CDHR2: variants seen among roughly 807,000 people sequenced by gnomAD.
The protein encoded by CDHR2 is cadherin-related family member 2.
In CDHR2, 104 loss-of-function variants were observed where a neutral mutation model predicts 138.6. The ratio of observed to expected loss-of-function variants is 0.75; its 90% CI spans 0.64 to 0.88. The LOEUF (loss-of-function observed/expected upper bound fraction) is 0.88, where lower values mean the gene tolerates loss of function less well. CDHR2 is among the 40% of genes least tolerant of loss of function. The pLI, the probability that CDHR2 is intolerant of heterozygous loss-of-function variation, is 0.00. For synonymous variants in CDHR2, 755 were observed against 742.8 expected (o/e 1.02, Z -0.27); for missense variants, 1,624 against 1,727.6 (o/e 0.94, Z 1.06).
intron 1 of CDHR2, among the ~76,000 whole-genome samples, chr5:176,558,004 CCTAT>C (rs945518552): frequency 6.6e-6 from 1 of 152,110 alleles, no homozygotes; most frequent in South Asian, 2.1e-4. Context: ...CCGAGCCTGG[CCTAT>C]CTGTTAATTT....
downstream of CDHR2, chr5:176,595,971 A>T (rs1759024837): frequency 3.8e-6 from 1 of 264,762 alleles, no homozygotes; most frequent in African/African-American, 2.2e-5. Flanking sequence ...TGGTTATAGA[A>T]TGAGCTCTCT....
intron 17 of CDHR2, 28 bp from the exon 18 acceptor site, chr5:176,584,161 CG>C: frequency 1.2e-6 from 2 of 1,601,416 alleles, no homozygotes; most frequent in Non-Finnish European, 1.7e-6. Flanking sequence ...GATTGGATCC[CG>C]GGGACTCAGA....
At chr5:176,594,536 G>A (rs1459798214) in intron 31 of CDHR2, among the ~76,000 whole-genome samples, 1 of 152,246 alleles carries the variant, frequency 6.6e-6, no homozygotes, top group Admixed American at 6.5e-5. Context: ...ACAGCTTGCA[G>A]GGCAGGGGCA....
In CDHR2 at chr5:176,595,549, C is replaced by A. The variant is rs1344116536; in HGVS notation, c.3810C>A (p.His1270Gln). The A allele has an allele frequency of 6.8e-6, 11 of 1,608,380 alleles. No homozygotes were observed. The East Asian group carries it at 2.5e-4, about 36-fold the overall frequency. The stretch of plus-strand genomic sequence containing the variant: ...CCCTGCAGGAGCACAGGCCACCACA[C>A]ACACCACCAGAGCCAGATCCAGAGC... ...SQEIKEHRPP[H>Q]TPPEPDPEPL... Residue 1270 changes from histidine to glutamine, a missense_variant, in exon 32 of 32, where the codon CAC becomes CAA. Coordinates refer to ENST00000261944, the MANE Select transcript of CDHR2 (RefSeq NM_017675.6).
chr5:176,567,172 CTT>C (rs11392917), intron 3 of CDHR2: 567 of 293,502 alleles, frequency 1.9e-3, no homozygotes, highest in South Asian at 3.0e-3. Context: ...GTGCACAGGA[CTT>C]TTTTTTTTTT....
At position 176,590,308 on chromosome 5, in the gene CDHR2, C is replaced by G; in HGVS notation, c.3331C>G (p.Leu1111Val). Residue 1111 changes from leucine to valine, a missense_variant, in exon 26 of 32, where the codon CTG (leucine) becomes GTG (valine). Transcript: ENST00000261944. ...CTTTGTCTTCCCCAATGGGTCAGCC[C>G]TGACCCTTGATGAGCTGAGTGTGTG... ...AYFVFPNGSA[L>V]TLDELSVMIR... 1 of 1,614,204 alleles carries G rather than the reference C, an allele frequency of 6.2e-7. No homozygotes were observed.
At chr5:176,554,466 C>G (rs1178399298) in intron 1 of CDHR2, among the ~76,000 whole-genome samples, 1 of 152,186 alleles carries the variant, frequency 6.6e-6, no homozygotes, top group Non-Finnish European at 1.5e-5. Flanking sequence ...GCTGCCTACC[C>G]TCATCACTTA....
Position 176,565,375 on chromosome 5 carries a change from G to T in CDHR2, c.23G>T (p.Cys8Phe). 3 of 1,614,124 alleles carry T rather than the reference G, an allele frequency of 1.9e-6. No individual in the cohort carries two copies. The highest frequency in any genetic ancestry group is 2.5e-6 in the Non-Finnish European group (3 of 1,179,980). The change falls in exon 2 of 32, where the codon TGC (cysteine) becomes TTC (phenylalanine). Residue 8 changes from cysteine to phenylalanine, a missense_variant. Physicochemically the swap from Cys to Phe is radical, Grantham distance 205 (BLOSUM62 -2). Around this residue, in one of 3 missense-constraint regions of CDHR2, gnomAD observed 1,061 missense variants for 1,136.6 expected, o/e 0.93. Coordinates refer to ENST00000261944, the MANE Select transcript of CDHR2 (RefSeq NM_017675.6). MAQLWLS[C>F]FLLPALVVSV... ...GTGATGGCCCAGCTATGGCTGTCCT[G>T]CTTCCTCCTTCCTGCCCTCGTGGTG...
intron 1 of CDHR2, among the ~76,000 whole-genome samples, chr5:176,549,828 T>C (rs1484236449): frequency 6.6e-6 from 1 of 152,158 alleles, no homozygotes; most frequent in African/African-American, 2.4e-5. Flanking sequence ...CTGACCTTGG[T>C]GGGCTACTTA....
chr5:176,556,347 T>C (rs902021711), intron 1 of CDHR2, among the ~76,000 whole-genome samples: 1 of 151,888 alleles, frequency 6.6e-6, no homozygotes, highest in African/African-American at 2.4e-5. Context: ...CCAGAATGGG[T>C]GACAGAGCAA....
intron 27 of CDHR2, 29 bp from the exon 28 acceptor site, chr5:176,590,534 G>C: frequency 6.2e-7 from 1 of 1,614,010 alleles, no homozygotes; most frequent in Non-Finnish European, 8.5e-7. Flanking sequence ...GAAGACGAGT[G>C]TGCTTCCCTC....
At chr5:176,555,058 G>A (rs111616873) in intron 1 of CDHR2, among the ~76,000 whole-genome samples, 2,332 of 152,246 alleles carry the variant, frequency 0.015, 53 homozygotes, top group African/African-American at 0.053. Context: ...AATGTTTAAC[G>A]GTTGCCAAAC....
At chr5:176,564,654 A>T (rs1758040483) in intron 1 of CDHR2, among the ~76,000 whole-genome samples, 1 of 152,108 alleles carries the variant, frequency 6.6e-6, no homozygotes, top group African/African-American at 2.4e-5. Flanking sequence ...CTATCAATCA[A>T]CAAGAGGATC....
rs3816825 is a variant in CDHR2, at chr5:176,584,162, G to A, written c.2059-28G>A. 4.8e-4 allele frequency: 774 copies of A among 1,597,700 alleles called. 7 individuals carry two copies. The East Asian group carries it at 0.011, about 22-fold the overall frequency. Reference sequence around the variant, plus strand: ...TCTGGGGAGGGTGAGATTGGATCCCGGGGACTCAGACCTGTCTCTGACTGC... The same window carrying A: ...TCTGGGGAGGGTGAGATTGGATCCCAGGGACTCAGACCTGTCTCTGACTGC... On this transcript the variant is annotated intron_variant, in intron 17 of 31. Transcript: ENST00000261944.
At chr5:176,566,384 A>G (rs555080839) in intron 3 of CDHR2, among the ~76,000 whole-genome samples, 2 of 152,306 alleles carry the variant, frequency 1.3e-5, no homozygotes, top group African/African-American at 4.8e-5. Context: ...GGGAAACATT[A>G]TTTTGGAAGG....
At chr5:176,563,921 A>G (rs1334280894) in intron 1 of CDHR2, among the ~76,000 whole-genome samples, 4 of 152,100 alleles carry the variant, frequency 2.6e-5, no homozygotes, top group African/African-American at 9.7e-5. Context: ...ACAGTAAAAA[A>G]CTGGGCACAG....
intron 3 of CDHR2, among the ~76,000 whole-genome samples, chr5:176,566,443 G>A (rs1758082479): frequency 6.6e-6 from 1 of 152,202 alleles, no homozygotes; most frequent in Non-Finnish European, 1.5e-5. Flanking sequence ...ATATAGATCG[G>A]GGAAGTAGAA....
rs768596164 is a variant in CDHR2, at chr5:176,589,231, G to A, written c.3008+49G>A. Reference sequence around the variant, plus strand: ...GGAGGTTGCGGGGAGGGGCCCGATAGGAGCTTTCAGGCAGCAAGTCCCCCA... The same window carrying A: ...GGAGGTTGCGGGGAGGGGCCCGATAAGAGCTTTCAGGCAGCAAGTCCCCCA... On this transcript the variant is annotated intron_variant, in intron 22 of 31. Coordinates refer to ENST00000261944, the MANE Select transcript of CDHR2 (RefSeq NM_017675.6). 48 of 1,608,636 alleles carry A rather than the reference G, an allele frequency of 3.0e-5. 1 individual carries two copies. The highest frequency in any genetic ancestry group is 3.9e-5 in the Non-Finnish European group (46 of 1,176,758).
At position 176,590,257 on chromosome 5, in the gene CDHR2, C is replaced by G. The variant is rs766582356; in HGVS notation, c.3280C>G (p.Arg1094Gly). ...IQDIDSAARA[R>G]PHSYLDAYFV... ...TTCAACTCTGTCCCGCTCCAGGGCC[C>G]GACCTCACTCCTACCTCGATGCCTA... Residue 1094 changes from arginine to glycine, a missense_variant, in exon 26 of 32, where the codon CGA becomes GGA. Arg to Gly is a moderately radical substitution (Grantham distance 125, BLOSUM62 -2). Around this residue, in one of 3 missense-constraint regions of CDHR2, gnomAD observed 556 missense variants for 565.7 expected, o/e 0.98. Transcript: ENST00000261944. 1.4e-5 allele frequency: 22 copies of G among 1,614,144 alleles called. No homozygotes were observed. The highest frequency in any genetic ancestry group is 1.9e-5 in the Non-Finnish European group (22 of 1,180,012).
Sources: gnomAD v4.1 joint callset for allele counts (sites outside exome capture counted in the v4.1 genomes callset) on GRCh38, gnomAD v4.1.1 for gene constraint, gnomAD v4.1.1 regional missense constraint, MANE v1.5 for transcripts, NCBI Gene and HGNC (gene_info 2026-07-23, HGNC 2026-07-21) for gene names.